The following DYSF variants were observed in gnomAD, a reference collection of about 807,000 sequenced individuals.
DYSF encodes the protein dystrophy-associated fer-1-like 1.
Under a neutral mutation model 274.9 loss-of-function variants are expected in DYSF, and 212 were observed. The observed-to-expected ratio is 0.77, with a 90% confidence interval of 0.69 to 0.86. The LOEUF (loss-of-function observed/expected upper bound fraction) is 0.86. Ranked by LOEUF, DYSF falls within the 40% of genes least tolerant of loss-of-function variation. The pLI, the probability that DYSF is intolerant of heterozygous loss-of-function variation, is 0.00. For missense variants in DYSF, 2,666 were observed against 2,783.2 expected, an observed-to-expected ratio of 0.96 and a Z score of 0.95; for synonymous variants, 1,091 against 1,078.7, an observed-to-expected ratio of 1.01 and a Z score of -0.22.
chr2:71,562,117 AAG>A (rs1181483917), intron 23 of DYSF, among the ~76,000 whole-genome samples, 173 bp downstream of exon 23: 1 of 152,154 alleles, frequency 6.6e-6, no homozygotes, highest in Admixed American at 6.5e-5. Context: ...TTGCAGAAGG[AAG>A]AGAGAGGGTA....
At chr2:71,567,582 T>C (rs926436257) in intron 24 of DYSF, among the ~76,000 whole-genome samples, 2 of 152,210 alleles carry the variant, frequency 1.3e-5, no homozygotes, top group Non-Finnish European at 2.9e-5. Flanking sequence ...ATTTTCCTCA[T>C]AGCAGAAAGT....
intron 40 of DYSF, among the ~76,000 whole-genome samples, chr2:71,617,550 GTA>G (rs1398181500): frequency 6.6e-6 from 1 of 152,110 alleles, no homozygotes; most frequent in African/African-American, 2.4e-5. Flanking sequence ...GTACGTGTGT[GTA>G]TGTATGAGTG....
At chr2:71,543,697 C>CA (rs1461171686) in intron 17 of DYSF, among the ~76,000 whole-genome samples, 2 of 152,102 alleles carry the variant, frequency 1.3e-5, no homozygotes, top group Non-Finnish European at 2.9e-5. Flanking sequence ...CCATCTCCAC[C>CA]AAAAAAATAC....
rs557668479 is a variant in DYSF, at chr2:71,591,145, G to A, written c.3574+857G>A. On this transcript the variant is annotated intron_variant, in intron 32 of 55. Coordinates refer to ENST00000410020, the MANE Select transcript of DYSF (RefSeq NM_001130987.2). ...CTCCAGCCCCACCAACTCTGTCCACGTTGCCCATGTCTGGCCTTTGCACTC... is the reference window on the plus strand; with the variant it reads ...CTCCAGCCCCACCAACTCTGTCCACATTGCCCATGTCTGGCCTTTGCACTC... 3.3e-5 allele frequency among the ~76,000 whole-genome samples: 5 copies of A among 152,296 alleles called. No homozygotes were observed. The East Asian group carries it at 9.6e-4, about 29-fold the overall frequency.
At chr2:71,487,350 T>TA (rs141341158) in intron 3 of DYSF, among the ~76,000 whole-genome samples, 4,053 of 149,996 alleles carry the variant, frequency 0.027, 84 homozygotes, top group Non-Finnish European at 0.036. Context: ...CCTGGGAGCT[T>TA]AAAAAAAAAA....
chr2:71,519,789 C>T (rs1312684409), intron 10 of DYSF, among the ~76,000 whole-genome samples: 6 of 148,506 alleles, frequency 4.0e-5, no homozygotes, highest in Non-Finnish European at 5.9e-5. Context: ...GAATTACAGG[C>T]ATGCACCACC....
Position 71,608,555 on chromosome 2 carries a change from G to A in DYSF, c.3958-2690G>A, listed in dbSNP as rs114065908. ...CTGCCTGTCTCTTCCTTCTGCCTCC[G>A]CTGGGCCCGACGCTCCGCAGCTGTG... On this transcript the variant is annotated intron_variant, in intron 36 of 55. Transcript: ENST00000410020. 8.1e-3 allele frequency among the ~76,000 whole-genome samples: 1,227 copies of A among 152,188 alleles called. 18 individuals are homozygous for A. Among genetic ancestry groups the A allele is most frequent in the African/African-American group, 0.028 (1,174 of 41,518 alleles).
At chr2:71,665,865 C>G (rs1016157259) in intron 47 of DYSF, among the ~76,000 whole-genome samples, 1 of 151,858 alleles carries the variant, frequency 6.6e-6, no homozygotes, top group Non-Finnish European at 1.5e-5. Flanking sequence ...ACATGCTCTC[C>G]GTGTGTCTGA....
intron 16 of DYSF, 79 bp downstream of exon 16, chr2:71,535,390 G>A (rs2089225547): frequency 1.4e-6 from 2 of 1,398,554 alleles, no homozygotes; most frequent in African/African-American, 1.4e-5. Flanking sequence ...TCGGCTCAGT[G>A]ACTGGTAGTA....
At chr2:71,491,438 A>G (rs1215981748) in intron 3 of DYSF, among the ~76,000 whole-genome samples, 1 of 152,208 alleles carries the variant, frequency 6.6e-6, no homozygotes, top group Non-Finnish European at 1.5e-5. Flanking sequence ...TTTTAAGTTC[A>G]GGGTACAGGT....
chr2:71,459,167 G>A (rs187801998), intron 1 of DYSF, among the ~76,000 whole-genome samples: 1 of 152,200 alleles, frequency 6.6e-6, no homozygotes, highest in Non-Finnish European at 1.5e-5. Context: ...ATGCCCTGAA[G>A]GAGTCCTGTC....
chr2:71,620,662 G>A, intron 41 of DYSF, 53 bp downstream of exon 41: 1 of 1,523,440 alleles, frequency 6.6e-7, no homozygotes. Flanking sequence ...GTGGGGCTGG[G>A]GGTAGGGGGG....
chr2:71,668,492 C>T (rs1027098284), intron 48 of DYSF, among the ~76,000 whole-genome samples: 3 of 152,172 alleles, frequency 2.0e-5, no homozygotes, highest in Non-Finnish European at 4.4e-5. Context: ...CCCCTGGCTG[C>T]CAAGACTCAG....
At chr2:71,602,847 A>C in intron 36 of DYSF, 42 bp downstream of exon 36, 1 of 1,609,158 alleles carries the variant, frequency 6.2e-7, no homozygotes, top group Non-Finnish European at 8.5e-7. Flanking sequence ...GCCGAGGTAG[A>C]GGGAAGGTGA....
chr2:71,478,373 G>A (rs879712592), intron 1 of DYSF, among the ~76,000 whole-genome samples: 4 of 151,680 alleles, frequency 2.6e-5, no homozygotes, highest in South Asian at 2.1e-4. Flanking sequence ...CACCATGCCC[G>A]GCTAATTTTT....
At chr2:71,599,387 C>T (rs910238941) in intron 33 of DYSF, among the ~76,000 whole-genome samples, 100 of 152,346 alleles carry the variant, frequency 6.6e-4, no homozygotes, top group African/African-American at 2.4e-3. Flanking sequence ...TTCATTTTAA[C>T]GAAGTAAAAT....
chr2:71,603,886 C>T (rs891826102), intron 36 of DYSF, among the ~76,000 whole-genome samples: 3 of 152,214 alleles, frequency 2.0e-5, no homozygotes, highest in Admixed American at 6.5e-5. Context: ...TAACTGGATT[C>T]GTAATATGTA....
chr2:71,485,080 AC>A (rs764690429), intron 3 of DYSF, among the ~76,000 whole-genome samples: 3 of 152,254 alleles, frequency 2.0e-5, no homozygotes, highest in Non-Finnish European at 4.4e-5. Context: ...TACCAGAAAC[AC>A]CTTTCTTATA....
At position 71,570,625 on chromosome 2, in the gene DYSF, C is replaced by T. The variant is rs759300020; in HGVS notation, c.3112C>T (p.Pro1038Ser). The change falls in exon 29 of 56, where the codon CCG becomes TCG. Residue 1038 changes from proline to serine, a missense_variant. Around this residue, in one of 3 missense-constraint regions of DYSF, gnomAD observed 1,460 missense variants for 1,502.1 expected, o/e 0.97. Coordinates refer to ENST00000410020, the MANE Select transcript of DYSF (RefSeq NM_001130987.2). ...CTGGGAGTATAGCATCACCATCCCC[C>T]CGGAGCGGAAGCCGAAGCACTGGGT... ...QGWEYSITIP[P>S]ERKPKHWVPA... is the part of the protein sequence containing the mutation. 3.1e-6 allele frequency: 5 copies of T among 1,613,916 alleles called. No homozygotes were observed. Among genetic ancestry groups the T allele is most frequent in the Non-Finnish European group, 2.5e-6 (3 of 1,179,974 alleles).
Sources: gnomAD v4.1 joint callset for allele counts (sites outside exome capture counted in the v4.1 genomes callset) on GRCh38, gnomAD v4.1.1 for gene constraint, gnomAD v4.1.1 regional missense constraint, MANE v1.5 for transcripts, NCBI Gene and HGNC (gene_info 2026-07-23, HGNC 2026-07-21) for gene names.